DNAH11: variants seen among roughly 807,000 people sequenced by gnomAD.
DNAH11 encodes dynein axonemal heavy chain 11, also known as axonemal beta dynein heavy chain 11.
In DNAH11, 442 loss-of-function variants were observed where a neutral mutation model predicts 526.0. The ratio of observed to expected loss-of-function variants is 0.84; its 90% CI spans 0.78 to 0.91. The LOEUF is 0.91. Among genes scored for constraint, DNAH11 ranks in the 40% least tolerant of loss-of-function variants. The pLI is 0.00. For synonymous variants in DNAH11, 2,461 were observed against 1,935.9 expected (o/e 1.27, Z -7.12); for missense variants, 6,989 against 5,448.7 (o/e 1.28, Z -8.90).
intron 41 of DNAH11, among the ~76,000 whole-genome samples, 197 bp from the exon 42 acceptor site, chr7:21,711,515 G>A (rs1372981527): frequency 6.6e-6 from 1 of 152,210 alleles, no homozygotes; most frequent in East Asian, 1.9e-4. Context: ...ACATTCACAA[G>A]TCCATTTAGG....
intron 65 of DNAH11, among the ~76,000 whole-genome samples, chr7:21,818,726 C>G (rs1007658491): frequency 6.6e-6 from 1 of 152,066 alleles, no homozygotes; most frequent in Non-Finnish European, 1.5e-5. Flanking sequence ...GATTTTAAAT[C>G]CATTCACTAT....
At chr7:21,816,428 C>T in intron 63 of DNAH11, 39 bp from the exon 64 acceptor site, 1 of 1,495,850 alleles carries the variant, frequency 6.7e-7, no homozygotes, top group Non-Finnish European at 9.2e-7. Flanking sequence ...CTCTCTCTGC[C>T]ACATGACCAA....
rs1400881598 is a variant in DNAH11, at chr7:21,852,067, A to G, written c.10897-400A>G. 2.0e-5 allele frequency among the ~76,000 whole-genome samples: 3 copies of G among 152,144 alleles called. No homozygotes were observed. The East Asian group carries it at 5.8e-4, about 29-fold the overall frequency. On this transcript the variant is annotated intron_variant, in intron 66 of 81. Transcript: ENST00000409508. ...TTTAATGTTAAGGGTGTTTTATTAT[A>G]TACTGATTCCATGAAATTTGTGATT...
At chr7:21,828,716 AAG>A (rs1790417385) in intron 65 of DNAH11, among the ~76,000 whole-genome samples, 1 of 151,718 alleles carries the variant, frequency 6.6e-6, no homozygotes. Flanking sequence ...TGTGTATCAA[AAG>A]AGAAATAATC....
intron 76 of DNAH11, among the ~76,000 whole-genome samples, chr7:21,887,432 A>G (rs1481015440): frequency 6.6e-6 from 1 of 152,242 alleles, no homozygotes; most frequent in Non-Finnish European, 1.5e-5. Flanking sequence ...AATACAAACT[A>G]TTTTAGTAAT....
At chr7:21,872,805 G>C (rs1408355852) in intron 73 of DNAH11, among the ~76,000 whole-genome samples, 2 of 152,196 alleles carry the variant, frequency 1.3e-5, no homozygotes, top group Non-Finnish European at 2.9e-5. Context: ...GAGTTCATAT[G>C]CTTATGAGTA....
intron 12 of DNAH11, among the ~76,000 whole-genome samples, chr7:21,589,647 T>C (rs926756369): frequency 2.0e-5 from 3 of 152,182 alleles, no homozygotes; most frequent in Admixed American, 1.3e-4. Context: ...AATGAGCCAC[T>C]GAGAGTAGCA....
intron 28 of DNAH11, among the ~76,000 whole-genome samples, chr7:21,647,461 A>G (rs575753435): frequency 9.8e-4 from 110 of 111,756 alleles, no homozygotes; most frequent in Non-Finnish European, 1.7e-3. Flanking sequence ...ACAGAGTCTT[A>G]CTCTATTGCC....
intron 79 of DNAH11, 50 bp downstream of exon 79, chr7:21,895,049 G>C (rs1784460258): frequency 6.8e-7 from 1 of 1,470,368 alleles, no homozygotes. Context: ...CCTCGGTGCT[G>C]GGTTAGTGTT....
At chr7:21,899,931 C>A in intron 80 of DNAH11, 49 bp from the exon 81 acceptor site, 1 of 1,599,324 alleles carries the variant, frequency 6.3e-7, no homozygotes, top group South Asian at 1.1e-5. Flanking sequence ...TCCCGGGAAC[C>A]TTACATGCAA....
At chr7:21,800,710 A>T (rs1788948890) in intron 61 of DNAH11, among the ~76,000 whole-genome samples, 1 of 152,196 alleles carries the variant, frequency 6.6e-6, no homozygotes, top group Middle Eastern at 3.2e-3. Flanking sequence ...TCACTGCCTG[A>T]ACTATGAACC....
chr7:21,623,953 CTT>C (rs1786205471), intron 25 of DNAH11, among the ~76,000 whole-genome samples: 1 of 150,394 alleles, frequency 6.6e-6, no homozygotes, highest in Non-Finnish European at 1.5e-5. Flanking sequence ...TACCCTAAAA[CTT>C]AAAGTATAAT....
intron 25 of DNAH11, among the ~76,000 whole-genome samples, chr7:21,622,718 A>T (rs1284225809): frequency 6.6e-6 from 1 of 152,228 alleles, no homozygotes; most frequent in African/African-American, 2.4e-5. Flanking sequence ...GCAATGGGGA[A>T]AGGATTCCCC....
At chr7:21,551,956 G>T (rs1038134169) in intron 2 of DNAH11, among the ~76,000 whole-genome samples, 2 of 152,144 alleles carry the variant, frequency 1.3e-5, no homozygotes, top group Non-Finnish European at 1.5e-5. Flanking sequence ...TCCTGACCCA[G>T]TGTGGGTTGC....
At chr7:21,789,763 C>CTCTTTCTTTCTTTCTT (rs1554281334) in intron 61 of DNAH11, among the ~76,000 whole-genome samples, 804 of 72,946 alleles carry the variant, frequency 0.011, 46 homozygotes, top group Admixed American at 0.013. Context: ...ATTTCTTTCT[C>CTCTTTCTTTCTTTCTT]TCTTTCTTTC....
At chr7:21,724,590 C>G (rs1785004169) in intron 44 of DNAH11, among the ~76,000 whole-genome samples, 1 of 148,902 alleles carries the variant, frequency 6.7e-6, no homozygotes, top group Admixed American at 6.6e-5. Context: ...GTCACTGCGC[C>G]AGGTCTCCTG....
intron 54 of DNAH11, among the ~76,000 whole-genome samples, chr7:21,764,664 T>C (rs1189332308): frequency 6.6e-6 from 1 of 152,208 alleles, no homozygotes; most frequent in African/African-American, 2.4e-5. Flanking sequence ...GGTGCTCCTC[T>C]CACTGAGTTT....
intron 30 of DNAH11, among the ~76,000 whole-genome samples, chr7:21,669,603 C>A (rs10273971): frequency 0.12 from 17,707 of 151,806 alleles, 1,960 homozygotes; most frequent in Admixed American, 0.26. Flanking sequence ...TAGTGTATCA[C>A]ATTTTTTTTT....
At chr7:21,551,725 G>T (rs1289934646) in intron 2 of DNAH11, among the ~76,000 whole-genome samples, 1 of 152,154 alleles carries the variant, frequency 6.6e-6, no homozygotes, top group African/African-American at 2.4e-5. Flanking sequence ...TCATGTAGTG[G>T]AGCTTCCCTA....
Sources: gnomAD v4.1 joint callset for allele counts (sites outside exome capture counted in the v4.1 genomes callset) on GRCh38, gnomAD v4.1.1 for gene constraint, MANE v1.5 for transcripts, NCBI Gene and HGNC (gene_info 2026-07-23, HGNC 2026-07-21) for gene names.